The following B3GALT1 variants were observed in gnomAD, a reference collection of about 807,000 sequenced individuals.
B3GALT1 encodes the protein beta-1,3-galactosyltransferase 1.
In B3GALT1, 10 loss-of-function variants were observed where a neutral mutation model predicts 23.2. The ratio of observed to expected loss-of-function variants is 0.43; its 90% CI spans 0.27 to 0.73. B3GALT1 has a LOEUF of 0.73. Ranked by LOEUF, B3GALT1 falls within the 30% of genes least tolerant of loss-of-function variation. The probability of loss-of-function intolerance (pLI) is 0.21; values close to 1 mark genes in which losing one functional copy is unlikely to be tolerated. For missense variants in B3GALT1, 299 were observed against 405.4 expected (o/e 0.74, Z 2.25); for synonymous variants, 156 against 141.5 (o/e 1.10, Z -0.73).
intron 3 of B3GALT1, among the ~76,000 whole-genome samples, chr2:167,748,814 A>G (rs1687690603): frequency 6.6e-6 from 1 of 152,202 alleles, no homozygotes; most frequent in African/African-American, 2.4e-5. Context: ...CAGACAAGCC[A>G]GTCTTCCTTG....
chr2:167,869,828 T>C lies in B3GALT1; in HGVS notation c.789T>C (p.Leu263=), dbSNP rs141741243. The change falls in exon 5 of 5, where the codon CTT becomes CTC. Residue 263 remains leucine (L), a synonymous_variant. Transcript: ENST00000392690. The surrounding 1 kb of genome is among the most constrained non-coding windows in gnomAD (Gnocchi z 6.4). ...CACTCCACACAAGGCTGCTTCACCT[T>C]GAAGACGTATATGTGGGACTGTGTC... ...KTSLHTRLLH[L]EDVYVGLCLR... 2.3e-5 allele frequency: 37 copies of C among 1,614,034 alleles called. No homozygotes were observed. The African/African-American group carries it at 4.7e-4, about 20-fold the overall frequency.
chr2:167,655,647 T>C (rs1685943838), intron 3 of B3GALT1, among the ~76,000 whole-genome samples: 1 of 152,222 alleles, frequency 6.6e-6, no homozygotes, highest in African/African-American at 2.4e-5. Flanking sequence ...AATCATTTTT[T>C]CCTATCTTTA....
intron 3 of B3GALT1, among the ~76,000 whole-genome samples, chr2:167,763,516 A>C (rs1311567760): frequency 1.3e-5 from 2 of 152,098 alleles, no homozygotes; most frequent in African/African-American, 2.4e-5. Context: ...TATGTCCAAC[A>C]GACTCATTTT....
At chr2:167,569,163 T>C (rs779760176) in intron 2 of B3GALT1, among the ~76,000 whole-genome samples, 3 of 151,944 alleles carry the variant, frequency 2.0e-5, no homozygotes, top group Non-Finnish European at 4.4e-5. Context: ...ATGTCAGTTC[T>C]CCAACTTTGT....
chr2:167,693,917 CT>C (rs1241884392), intron 3 of B3GALT1, among the ~76,000 whole-genome samples: 23 of 152,262 alleles, frequency 1.5e-4, no homozygotes, highest in Non-Finnish European at 5.9e-5. Flanking sequence ...TACTAGTTAG[CT>C]GGTCTGAGCT....
intron 2 of B3GALT1, among the ~76,000 whole-genome samples, chr2:167,637,795 A>G (rs1685585059): frequency 6.6e-6 from 1 of 150,716 alleles, no homozygotes; most frequent in Non-Finnish European, 1.5e-5. Context: ...TAGTATAATG[A>G]CAATCCATGT....
intron 2 of B3GALT1, among the ~76,000 whole-genome samples, chr2:167,564,098 C>G (rs1031541299): frequency 1.3e-5 from 2 of 150,804 alleles, no homozygotes; most frequent in African/African-American, 4.9e-5. Context: ...GGCCCCTCAC[C>G]TCTCAGACGG....
intron 1 of B3GALT1, among the ~76,000 whole-genome samples, chr2:167,314,204 A>T (rs1229977219): frequency 3.3e-5 from 5 of 152,168 alleles, no homozygotes; most frequent in Admixed American, 6.6e-5. Context: ...TAAAATAAAA[A>T]AAAAAGTTTG....
At chr2:167,660,538 T>C (rs1686041550) in intron 3 of B3GALT1, among the ~76,000 whole-genome samples, 1 of 152,126 alleles carries the variant, frequency 6.6e-6, no homozygotes, top group Non-Finnish European at 1.5e-5. Context: ...TTCCATATCC[T>C]AATTTCTTGC....
chr2:167,628,541 A>G (rs186595383), intron 2 of B3GALT1, among the ~76,000 whole-genome samples: 1 of 151,752 alleles, frequency 6.6e-6, no homozygotes, highest in Non-Finnish European at 1.5e-5. Context: ...CTCAGCCACC[A>G]GTAGGATTTC....
At chr2:167,672,398 C>T (rs1686347742) in intron 3 of B3GALT1, among the ~76,000 whole-genome samples, 2 of 152,186 alleles carry the variant, frequency 1.3e-5, no homozygotes, top group South Asian at 4.1e-4. Context: ...CTTGGGTTTA[C>T]ATCCTCTGAT....
chr2:167,499,423 G>C (rs899081138), intron 2 of B3GALT1, among the ~76,000 whole-genome samples: 10 of 152,090 alleles, frequency 6.6e-5, no homozygotes, highest in Non-Finnish European at 2.9e-5. Context: ...GTAAGGTAAT[G>C]ATCCAGTTTA....
chr2:167,377,744 A>G (rs1354906496), intron 1 of B3GALT1, among the ~76,000 whole-genome samples: 2 of 152,162 alleles, frequency 1.3e-5, no homozygotes, highest in Admixed American at 6.5e-5. Context: ...TCTTAAAGAC[A>G]GCAGACAGGT....
At chr2:167,312,086 A>C (rs1696641201) in intron 1 of B3GALT1, among the ~76,000 whole-genome samples, 1 of 152,044 alleles carries the variant, frequency 6.6e-6, no homozygotes, top group Non-Finnish European at 1.5e-5. Context: ...AATGTTCTTA[A>C]AGCAAAAAAA....
At chr2:167,749,982 A>G (rs1287108477) in intron 3 of B3GALT1, among the ~76,000 whole-genome samples, 1 of 152,220 alleles carries the variant, frequency 6.6e-6, no homozygotes. Flanking sequence ...AGTGCAAAGA[A>G]AAAAATAAGA....
intron 1 of B3GALT1, among the ~76,000 whole-genome samples, chr2:167,421,268 A>G (rs1037740281): frequency 3.3e-5 from 5 of 152,198 alleles, no homozygotes; most frequent in Non-Finnish European, 4.4e-5. Flanking sequence ...ATTGCTCAGT[A>G]ACCAAAAGTG....
chr2:167,787,273 T>A (rs1447802296), intron 3 of B3GALT1, among the ~76,000 whole-genome samples: 1 of 152,190 alleles, frequency 6.6e-6, no homozygotes, highest in Non-Finnish European at 1.5e-5. Flanking sequence ...AGAGCACCTA[T>A]CTTGTAGGGC....
At chr2:167,776,796 G>C (rs1024714035) in intron 3 of B3GALT1, among the ~76,000 whole-genome samples, 1 of 152,174 alleles carries the variant, frequency 6.6e-6, no homozygotes, top group African/African-American at 2.4e-5. Context: ...AGAGACTTGA[G>C]AATAAGATTT....
At chr2:167,591,337 G>A (rs561760708) in intron 2 of B3GALT1, among the ~76,000 whole-genome samples, 3 of 152,066 alleles carry the variant, frequency 2.0e-5, no homozygotes, top group African/African-American at 7.2e-5. Context: ...AGAACAGTAG[G>A]CGACGAGGTT....
Sources: allele counts gnomAD v4.1 joint callset (sites outside exome capture counted in the v4.1 genomes callset), GRCh38; gene constraint gnomAD v4.1.1; non-coding constraint Gnocchi (gnomAD v3.1); transcripts MANE v1.5; gene names NCBI Gene and HGNC (gene_info 2026-07-23, HGNC 2026-07-21).